Variants in MYO9B observed in about 807,000 individuals in gnomAD.
MYO9B encodes myosin IXB.
In MYO9B, 71 loss-of-function variants were observed where a neutral mutation model predicts 229.5. The ratio of observed to expected loss-of-function variants is 0.31; its 90% CI spans 0.26 to 0.38. MYO9B has a LOEUF of 0.38. Ranked by LOEUF, MYO9B falls within the 10% of genes least tolerant of loss-of-function variation. MYO9B has a pLI of 1.00. For missense variants in MYO9B, 2,255 were observed against 2,920.5 expected, an observed-to-expected ratio of 0.77 and a Z score of 5.25; for synonymous variants, 1,185 against 1,235.8, an observed-to-expected ratio of 0.96 and a Z score of 0.86.
At chr19:17,116,216 G>A (rs1268119963) in intron 2 of MYO9B, among the ~76,000 whole-genome samples, 1 of 152,216 alleles carries the variant, frequency 6.6e-6, no homozygotes, top group African/African-American at 2.4e-5. Context: ...AGGGCGCACA[G>A]TCTGCCAGGG....
intron 19 of MYO9B, among the ~76,000 whole-genome samples, chr19:17,188,465 C>T (rs2072944760): frequency 6.6e-6 from 1 of 150,892 alleles, no homozygotes; most frequent in South Asian, 2.1e-4. Flanking sequence ...AAACCCCTGC[C>T]TCATGCCAAG....
intron 22 of MYO9B, 142 bp from the exon 23 acceptor site, chr19:17,197,650 C>T: frequency 2.2e-6 from 2 of 894,192 alleles, no homozygotes; most frequent in Non-Finnish European, 3.5e-6. Flanking sequence ...CAAGTGGTGA[C>T]AACCAAAACT....
chr19:17,107,893 G>T (rs988974129), intron 2 of MYO9B, among the ~76,000 whole-genome samples: 2 of 152,044 alleles, frequency 1.3e-5, no homozygotes, highest in South Asian at 4.2e-4. Flanking sequence ...TGAGGATGTG[G>T]ATATAATTTT....
At chr19:17,149,592 C>T (rs774723072) in intron 3 of MYO9B, among the ~76,000 whole-genome samples, 1 of 152,172 alleles carries the variant, frequency 6.6e-6, no homozygotes, top group Non-Finnish European at 1.5e-5. Flanking sequence ...CAAGAATGGC[C>T]GCAGCGATCA....
At chr19:17,206,992 T>G (rs2073169514) in intron 34 of MYO9B, 121 bp from the exon 35 acceptor site, 1 of 1,411,894 alleles carries the variant, frequency 7.1e-7, no homozygotes, top group African/African-American at 1.4e-5. Context: ...CATCTCCCAG[T>G]GCTGGGCTGT....
At chr19:17,196,103 T>C (rs1381764809) in intron 22 of MYO9B, among the ~76,000 whole-genome samples, 2 of 114,292 alleles carry the variant, frequency 1.7e-5, no homozygotes, top group Non-Finnish European at 1.7e-5. Context: ...AGATGATGGA[T>C]GGAGGGAGGG....
chr19:17,155,554 G>A (rs557855745), intron 6 of MYO9B, among the ~76,000 whole-genome samples: 4 of 152,286 alleles, frequency 2.6e-5, no homozygotes, highest in African/African-American at 9.6e-5. Context: ...AAGGCAGGAA[G>A]ATCGCTTGAG....
chr19:17,199,625 T>C (rs2073084231), intron 24 of MYO9B, among the ~76,000 whole-genome samples: 1 of 151,506 alleles, frequency 6.6e-6, no homozygotes, highest in South Asian at 2.1e-4. Context: ...GCGATTCTCC[T>C]GCCTCAGCCT....
At chr19:17,107,908 G>A (rs74820388) in intron 2 of MYO9B, among the ~76,000 whole-genome samples, 1,798 of 152,236 alleles carry the variant, frequency 0.012, 45 homozygotes, top group African/African-American at 0.04. Flanking sequence ...AATTTTGGGG[G>A]CGGGGGGCTC....
At position 17,130,772 on chromosome 19, in the gene MYO9B, C is replaced by CA. The variant is rs71180365; in HGVS notation, c.841-14609dup. On this transcript the variant is annotated intron_variant, in intron 2 of 39. Coordinates refer to ENST00000682292, the MANE Select transcript of MYO9B (RefSeq NM_004145.4). ...TGGGTGACAGAGCAAGACTTGGTCTCAAAAAAAAAAAAAAAATCTAGAATT... is the reference window on the plus strand; with the variant it reads ...TGGGTGACAGAGCAAGACTTGGTCTCAAAAAAAAAAAAAAAAATCTAGAATT... Among the ~76,000 whole-genome samples, 1,303 of 133,014 alleles carry CA rather than the reference C, an allele frequency of 9.8e-3. 7 individuals are homozygous for CA. The highest frequency in any genetic ancestry group is 0.016 in the Middle Eastern group (4 of 256). The allele number at this position is 133,014 out of a possible 152,430, so 87.3% of individuals were successfully genotyped here.
Position 17,193,212 on chromosome 19 carries a change from T to G in MYO9B, c.3128+150T>G. ...AAAGGCTGGTGGGAAACCAGATGCCTAGGCACTCATGGGCTGCAGAGAAGT... is the reference window on the plus strand; with the variant it reads ...AAAGGCTGGTGGGAAACCAGATGCCGAGGCACTCATGGGCTGCAGAGAAGT... On this transcript the variant is annotated intron_variant, in intron 21 of 39. Coordinates refer to ENST00000682292, the MANE Select transcript of MYO9B (RefSeq NM_004145.4). This position sits in a 1 kb window ranked among gnomAD's most constrained non-coding sequence, Gnocchi z 4.3. 2 of 916,202 alleles carry G rather than the reference T, an allele frequency of 2.2e-6. No homozygotes were observed. Among genetic ancestry groups the G allele is most frequent in the Non-Finnish European group, 1.5e-6 (1 of 648,848 alleles). The allele number at this position is 916,202 out of a possible 1,614,324, so 56.8% of individuals were successfully genotyped here.
Position 17,132,525 on chromosome 19 carries a change from A to T in MYO9B, c.841-12872A>T, listed in dbSNP as rs7257530. 6.0e-3 allele frequency among the ~76,000 whole-genome samples: 701 copies of T among 116,270 alleles called. 16 individuals are homozygous for T. Among genetic ancestry groups the T allele is most frequent in the African/African-American group, 0.018 (498 of 28,354 alleles). The allele number at this position is 116,270 out of a possible 152,430, so 76.3% of individuals were successfully genotyped here. A position where few individuals can be genotyped will look rare whatever the true frequency, so the allele number is the denominator to read the frequency against. Reference sequence around the variant, plus strand: ...ATTTATTTATTTATTTATTATTATTATTTTTTTTTTTTTTTTTTTTTGAGA... The same window carrying T: ...ATTTATTTATTTATTTATTATTATTTTTTTTTTTTTTTTTTTTTTTTGAGA... On this transcript the variant is annotated intron_variant, in intron 2 of 39. Coordinates refer to ENST00000682292, the MANE Select transcript of MYO9B (RefSeq NM_004145.4).
intron 30 of MYO9B, among the ~76,000 whole-genome samples, chr19:17,204,391 A>T (rs902325426): frequency 2.7e-5 from 4 of 148,320 alleles, no homozygotes; most frequent in Non-Finnish European, 3.0e-5. Context: ...GGCCTTGGGG[A>T]CTTGGGGCAA....
chr19:17,161,825 T>A (rs2072605524), intron 8 of MYO9B, among the ~76,000 whole-genome samples: 1 of 150,978 alleles, frequency 6.6e-6, no homozygotes, highest in South Asian at 2.1e-4. Flanking sequence ...CAAAAATATA[T>A]GTATATATTA....
chr19:17,174,561 C>T (rs560208508), intron 13 of MYO9B, among the ~76,000 whole-genome samples: 3 of 152,124 alleles, frequency 2.0e-5, no homozygotes, highest in Admixed American at 6.5e-5. Flanking sequence ...CGCTTGAACC[C>T]GGGAGGCGGA....
intron 1 of MYO9B, among the ~76,000 whole-genome samples, chr19:17,081,253 C>T (rs2057531397): frequency 6.6e-6 from 1 of 152,078 alleles, no homozygotes; most frequent in South Asian, 2.1e-4. Flanking sequence ...GTCTTAAACT[C>T]CTGACATCAG....
At chr19:17,093,028 G>T (rs1030396264) in intron 1 of MYO9B, among the ~76,000 whole-genome samples, 1 of 152,164 alleles carries the variant, frequency 6.6e-6, no homozygotes, top group Non-Finnish European at 1.5e-5. Flanking sequence ...ATTCATGCAT[G>T]TGTGATTAAG....
intron 2 of MYO9B, among the ~76,000 whole-genome samples, chr19:17,125,424 T>C (rs1322078789): frequency 6.6e-6 from 1 of 152,104 alleles, no homozygotes; most frequent in African/African-American, 2.4e-5. Context: ...TTCTGTATTC[T>C]TTCTGTGACC....
intron 2 of MYO9B, among the ~76,000 whole-genome samples, chr19:17,144,984 AAAAAAAAGAAAAAG>A (rs914335200): frequency 6.6e-6 from 1 of 151,022 alleles, no homozygotes; most frequent in African/African-American, 2.4e-5. Flanking sequence ...AAAAAAAAAA[AAAAAAAAGAAAAAG>A]AAAAAATAGA....
Sources: allele counts gnomAD v4.1 joint callset (sites outside exome capture counted in the v4.1 genomes callset), GRCh38; gene constraint gnomAD v4.1.1; non-coding constraint Gnocchi (gnomAD v3.1); transcripts MANE v1.5; gene names NCBI Gene and HGNC (gene_info 2026-07-23, HGNC 2026-07-21).